Variants in AKAP6 observed in about 807,000 individuals in gnomAD.
The protein encoded by AKAP6 is A-kinase anchor protein 6.
A neutral mutation model predicts 188.5 loss-of-function variants in AKAP6; 58 were observed. The ratio of observed to expected loss-of-function variants is 0.31; its 90% CI spans 0.25 to 0.38. The LOEUF is 0.38. Ranked by LOEUF, AKAP6 falls within the 10% of genes least tolerant of loss-of-function variation. The pLI, the probability that AKAP6 is intolerant of heterozygous loss-of-function variation, is 1.00. For synonymous variants in AKAP6, 989 were observed against 998.6 expected (o/e 0.99, Z 0.18); for missense variants, 2,710 against 2,740.0 (o/e 0.99, Z 0.24).
chr14:32,568,302 C>T lies in AKAP6; in HGVS notation c.2347-8818C>T, dbSNP rs1272531353. Among the ~76,000 whole-genome samples, 1 of 152,148 alleles carries T rather than the reference C, an allele frequency of 6.6e-6. No homozygotes were observed. Among genetic ancestry groups the T allele is most frequent in the Non-Finnish European group, 1.5e-5 (1 of 68,014 alleles). On this transcript the variant is annotated intron_variant, in intron 4 of 13. Transcript: ENST00000280979. The surrounding 1 kb of genome is among the most constrained non-coding windows in gnomAD (Gnocchi z 6.2). ...CTGGAACAAAACTATTTAATAACCA[C>T]TTAATAGCTATAGGACCTTAAATAA...
intron 8 of AKAP6, among the ~76,000 whole-genome samples, chr14:32,685,258 T>C (rs1185946497): frequency 1.3e-5 from 2 of 151,872 alleles, no homozygotes; most frequent in Non-Finnish European, 2.9e-5. Context: ...ACTGAAACCA[T>C]GTCTCAAAAA....
intron 5 of AKAP6, among the ~76,000 whole-genome samples, chr14:32,581,306 G>A (rs1191482820): frequency 6.6e-6 from 1 of 152,206 alleles, no homozygotes; most frequent in Non-Finnish European, 1.5e-5. Flanking sequence ...GAGCGGTTTT[G>A]AGTGAGTTTC....
chr14:32,470,606 G>A lies in AKAP6; in HGVS notation c.324+36789G>A, dbSNP rs73261499. Among the ~76,000 whole-genome samples, 877 of 152,236 alleles carry A rather than the reference G, an allele frequency of 5.8e-3. 6 individuals are homozygous for A. Among genetic ancestry groups the A allele is most frequent in the African/African-American group, 0.02 (840 of 41,532 alleles). ...ATTTAAAGCAGCTGAGAGGAAAACT[G>A]CCAGCTCTGAAATTTTAGGGCATGC... On this transcript the variant is annotated intron_variant, in intron 2 of 13. Coordinates refer to ENST00000280979, the MANE Select transcript of AKAP6 (RefSeq NM_004274.5).
chr14:32,735,498 TG>T (rs760056410), intron 10 of AKAP6, among the ~76,000 whole-genome samples, 159 bp from the exon 11 acceptor site: 7 of 152,000 alleles, frequency 4.6e-5, no homozygotes, highest in Admixed American at 1.3e-4. Context: ...AGTAGTGAGG[TG>T]GCAGGTATAG....
intron 2 of AKAP6, among the ~76,000 whole-genome samples, chr14:32,467,029 A>G (rs1033534755): frequency 2.0e-5 from 3 of 151,474 alleles, no homozygotes; most frequent in African/African-American, 7.3e-5. Flanking sequence ...TGAAAACAAT[A>G]GACACCAGAG....
At chr14:32,481,390 T>C (rs1961349) in intron 2 of AKAP6, among the ~76,000 whole-genome samples, 89,092 of 151,942 alleles carry the variant, frequency 0.59, 26,649 homozygotes, top group East Asian at 0.86. Context: ...AGTTTGGTCT[T>C]ATGCTGCTAA....
intron 11 of AKAP6, among the ~76,000 whole-genome samples, chr14:32,764,305 GTTA>G (rs2032635375): frequency 6.6e-6 from 1 of 152,110 alleles, no homozygotes; most frequent in Admixed American, 6.5e-5. Flanking sequence ...TCCCATCCCT[GTTA>G]TTATAACCAC....
intron 9 of AKAP6, among the ~76,000 whole-genome samples, chr14:32,705,592 C>G (rs1890780576): frequency 6.6e-6 from 1 of 152,074 alleles, no homozygotes; most frequent in South Asian, 2.1e-4. Flanking sequence ...TCACAGGGAT[C>G]TTGATTATTT....
At position 32,830,045 on chromosome 14, in the gene AKAP6, A is replaced by G; in HGVS notation, c.*240A>G. ...CTTTAGGTGATCGTCTTTGAAGTTC[A>G]GCAAAGCTGCTTGTTCTCCCATGGA... On this transcript the variant is annotated 3_prime_UTR_variant, in exon 14 of 14. Transcript: ENST00000280979. The G allele has an allele frequency of 2.9e-6, 2 of 685,340 alleles. No homozygotes were observed. The highest frequency in any genetic ancestry group is 2.8e-5 in the East Asian group (1 of 35,964). The allele number at this position is 685,340 out of a possible 1,614,324, so 42.5% of individuals were successfully genotyped here. A position where few individuals can be genotyped will look rare whatever the true frequency, so the allele number is the denominator to read the frequency against.
At chr14:32,813,397 C>CCCT (rs1555365158) in intron 12 of AKAP6, among the ~76,000 whole-genome samples, 4 of 123,746 alleles carry the variant, frequency 3.2e-5, no homozygotes, top group African/African-American at 6.3e-5. Context: ...CTACCCCCCC[C>CCCT]CCCAACCCCT....
At chr14:32,383,087 ATGTG>A (rs3031402) in intron 1 of AKAP6, among the ~76,000 whole-genome samples, 32,901 of 142,844 alleles carry the variant, frequency 0.23, 3,940 homozygotes, top group African/African-American at 0.33. Flanking sequence ...GGCAGATTTT[ATGTG>A]TGTGTGTGTG....
intron 2 of AKAP6, among the ~76,000 whole-genome samples, chr14:32,456,550 A>G (rs1251066890): frequency 6.6e-6 from 1 of 152,264 alleles, no homozygotes; most frequent in African/African-American, 2.4e-5. Context: ...CAAGTCTTTT[A>G]AAGTGAATTA....
intron 12 of AKAP6, among the ~76,000 whole-genome samples, chr14:32,788,527 G>A (rs1052925128): frequency 1.3e-5 from 2 of 152,196 alleles, no homozygotes; most frequent in African/African-American, 2.4e-5. Flanking sequence ...AAAGCAGGGG[G>A]TGGGGGCAAC....
chr14:32,352,112 T>TGG (rs1887304665), intron 1 of AKAP6, among the ~76,000 whole-genome samples: 1 of 140,374 alleles, frequency 7.1e-6, no homozygotes, highest in African/African-American at 2.7e-5. Flanking sequence ...TTTGTGTGTG[T>TGG]GTGTGTGTGT....
At chr14:32,708,583 A>T (rs1890910267) in intron 9 of AKAP6, among the ~76,000 whole-genome samples, 1 of 152,122 alleles carries the variant, frequency 6.6e-6, no homozygotes, top group South Asian at 2.1e-4. Flanking sequence ...ATTTTTAAAA[A>T]GTATTATACT....
chr14:32,703,190 G>A (rs1384274675), intron 9 of AKAP6, among the ~76,000 whole-genome samples: 2 of 152,112 alleles, frequency 1.3e-5, no homozygotes, highest in Non-Finnish European at 2.9e-5. Context: ...GGCGGGGAGA[G>A]GGGGGCTTGG....
intron 1 of AKAP6, among the ~76,000 whole-genome samples, chr14:32,358,987 C>T (rs560148087): frequency 2.6e-5 from 4 of 152,250 alleles, no homozygotes; most frequent in Admixed American, 2.0e-4. Context: ...CAGGCTGGTC[C>T]CAAAGCCAGG....
At chr14:32,605,748 A>G (rs562848759) in intron 7 of AKAP6, among the ~76,000 whole-genome samples, 2 of 152,270 alleles carry the variant, frequency 1.3e-5, no homozygotes, top group East Asian at 1.9e-4. Context: ...GTGCCATGAA[A>G]TGCATCTCCA....
intron 1 of AKAP6, among the ~76,000 whole-genome samples, chr14:32,392,756 C>A (rs1422691737): frequency 6.6e-6 from 1 of 151,868 alleles, no homozygotes; most frequent in African/African-American, 2.4e-5. Context: ...AACCACTGGC[C>A]AAATTGAAAA....
Sources: gnomAD v4.1 joint callset for allele counts (sites outside exome capture counted in the v4.1 genomes callset) on GRCh38, gnomAD v4.1.1 for gene constraint, Gnocchi (gnomAD v3.1) non-coding constraint, MANE v1.5 for transcripts, NCBI Gene and HGNC (gene_info 2026-07-23, HGNC 2026-07-21) for gene names.